Variants in FBXL17 observed in about 807,000 individuals in gnomAD.
FBXL17 encodes the protein F-box/LRR-repeat protein 17.
In FBXL17, 22 loss-of-function variants were observed where a neutral mutation model predicts 66.2. That is an observed-to-expected ratio of 0.33 (90% CI 0.24 to 0.47). The LOEUF (loss-of-function observed/expected upper bound fraction) is 0.47, where lower values mean the gene tolerates loss of function less well. Among genes scored for constraint, FBXL17 ranks in the 20% least tolerant of loss-of-function variants. The probability of loss-of-function intolerance (pLI) is 1.00; values close to 1 mark genes in which losing one functional copy is unlikely to be tolerated. For missense variants in FBXL17, 878 were observed against 948.2 expected (o/e 0.93, Z 0.97); for synonymous variants, 474 against 400.5 (o/e 1.18, Z -2.19).
At chr5:107,955,428 A>G (rs1751631273) in intron 7 of FBXL17, among the ~76,000 whole-genome samples, 1 of 152,178 alleles carries the variant, frequency 6.6e-6, no homozygotes. Flanking sequence ...CTTTACCACA[A>G]AGTGATCTGA....
At chr5:107,930,253 T>G (rs1750684896) in intron 7 of FBXL17, among the ~76,000 whole-genome samples, 2 of 152,182 alleles carry the variant, frequency 1.3e-5, no homozygotes, top group Non-Finnish European at 2.9e-5. Context: ...TTCCCCCTGT[T>G]TCTGGGGCTG....
chr5:107,872,653 C>T (rs1262250675), intron 8 of FBXL17, among the ~76,000 whole-genome samples: 1 of 152,042 alleles, frequency 6.6e-6, no homozygotes, highest in Non-Finnish European at 1.5e-5. Flanking sequence ...AAGGAGAAAC[C>T]CACAGATCTT....
chr5:108,381,245 G>GGCC lies in FBXL17; in HGVS notation c.444_446dup (p.Ala151dup). On this transcript the variant is annotated inframe_insertion, in exon 1 of 9. Coordinates refer to ENST00000542267, the MANE Select transcript of FBXL17 (RefSeq NM_001163315.3). ...TTCGGCCCTGCTGCTCCCAGGCGGC[G>GGCC]GCCGCAGCCAGCCCCAACTCTTTGC... is the stretch of plus-strand genomic sequence containing the variant. The GGCC allele has an allele frequency of 6.9e-7, 1 of 1,443,760 alleles. No homozygotes were observed. The highest frequency in any genetic ancestry group is 1.3e-5 in the South Asian group (1 of 74,208). The allele number at this position is 1,443,760 out of a possible 1,614,324, so 89.4% of individuals were successfully genotyped here. A position where few individuals can be genotyped will look rare whatever the true frequency, so the allele number is the denominator to read the frequency against.
chr5:108,016,400 A>C (rs2112752167), intron 7 of FBXL17, among the ~76,000 whole-genome samples: 1 of 152,310 alleles, frequency 6.6e-6, no homozygotes, highest in South Asian at 2.1e-4. Flanking sequence ...GAGTGTTTCC[A>C]GTCCTCTTTA....
intron 7 of FBXL17, among the ~76,000 whole-genome samples, chr5:107,941,118 A>G (rs1279939089): frequency 3.5e-4 from 1 of 2,886 alleles, no homozygotes; most frequent in Admixed American, 1.2e-3. Context: ...AAATCAAGTG[A>G]AAAAAAAAAA....
chr5:108,176,753 A>G (rs1228168885), intron 6 of FBXL17, among the ~76,000 whole-genome samples: 2 of 152,144 alleles, frequency 1.3e-5, no homozygotes, highest in African/African-American at 4.8e-5. Flanking sequence ...AATAACTATA[A>G]GTACTAAAAG....
At chr5:107,868,294 C>T (rs1432717615) in intron 8 of FBXL17, among the ~76,000 whole-genome samples, 2 of 152,184 alleles carry the variant, frequency 1.3e-5, no homozygotes, top group African/African-American at 2.4e-5. Context: ...TACTGACATT[C>T]GTTTTTTTAC....
At chr5:108,084,440 T>A (rs1453575017) in intron 6 of FBXL17, among the ~76,000 whole-genome samples, 2 of 152,126 alleles carry the variant, frequency 1.3e-5, no homozygotes, top group African/African-American at 2.4e-5. Context: ...AAAATAAAAC[T>A]CACCCAAAAT....
At chr5:108,131,058 G>A (rs1750914829) in intron 6 of FBXL17, among the ~76,000 whole-genome samples, 1 of 152,022 alleles carries the variant, frequency 6.6e-6, no homozygotes, top group Non-Finnish European at 1.5e-5. Flanking sequence ...CTCTGCTACT[G>A]AAATAAATAA....
In FBXL17 at chr5:108,043,322, T is replaced by C. The variant is rs184225042; in HGVS notation, c.1746-22321A>G. 3.0e-3 allele frequency among the ~76,000 whole-genome samples: 449 copies of C among 152,172 alleles called. 3 individuals carry two copies. The East Asian group carries it at 0.042, about 14-fold the overall frequency. ...CCTAGCCCTAGACCCTGAAGGTTTT[T>C]CCCCCCCTAGGTTTCTTTCTACAAG... On this transcript the variant is annotated intron_variant, in intron 6 of 8. Transcript: ENST00000542267.
Position 107,946,585 on chromosome 5 carries a change from G to A in FBXL17, c.1823-65406C>T, listed in dbSNP as rs573374959. ...GCTTCCCAAAGTGTTGGGATTACAG[G>A]CATGGGCCACAGCTTCCAGCTAATC... On this transcript the variant is annotated intron_variant, in intron 7 of 8. Coordinates refer to ENST00000542267, the MANE Select transcript of FBXL17 (RefSeq NM_001163315.3). Among the ~76,000 whole-genome samples, 41 of 151,676 alleles carry A rather than the reference G, an allele frequency of 2.7e-4. 1 individual carries two copies. In the East Asian group the frequency reaches 6.8e-3, roughly 25 times the overall value.
intron 6 of FBXL17, among the ~76,000 whole-genome samples, chr5:108,106,181 T>C (rs1332153581): frequency 6.6e-6 from 1 of 152,140 alleles, no homozygotes; most frequent in Non-Finnish European, 1.5e-5. Context: ...AAACTGAGCA[T>C]GTAGAACAAG....
intron 5 of FBXL17, among the ~76,000 whole-genome samples, chr5:108,198,068 T>C (rs538408230): frequency 1.1e-4 from 17 of 152,202 alleles, no homozygotes; most frequent in East Asian, 1.9e-4. Flanking sequence ...AATCTTTGGG[T>C]CTTCCACACT....
intron 6 of FBXL17, among the ~76,000 whole-genome samples, chr5:108,146,569 C>T (rs1231257191): frequency 6.6e-6 from 1 of 152,092 alleles, no homozygotes; most frequent in African/African-American, 2.4e-5. Context: ...TTTTATAAAC[C>T]CTACCCAGTC....
chr5:108,136,892 G>A (rs1751157726), intron 6 of FBXL17, among the ~76,000 whole-genome samples: 2 of 152,052 alleles, frequency 1.3e-5, no homozygotes. Context: ...ATGTTATTTT[G>A]AAACCAGATT....
intron 7 of FBXL17, 118 bp from the exon 8 acceptor site, chr5:107,881,297 G>C: frequency 1.6e-6 from 1 of 617,920 alleles, no homozygotes; most frequent in Admixed American, 2.9e-5. Context: ...GTGTGTAAAT[G>C]AACGTTTTAT....
intron 7 of FBXL17, among the ~76,000 whole-genome samples, chr5:107,900,081 A>G (rs1749522056): frequency 6.6e-6 from 1 of 152,212 alleles, no homozygotes. Context: ...CATACACTAA[A>G]TATTTTTATT....
chr5:107,938,374 CTA>C (rs1173989621), intron 7 of FBXL17, among the ~76,000 whole-genome samples: 1 of 151,800 alleles, frequency 6.6e-6, no homozygotes, highest in Non-Finnish European at 1.5e-5. Flanking sequence ...TGAGAAAAAA[CTA>C]TGTGGGAAAA....
chr5:108,126,752 A>G (rs1270772742), intron 6 of FBXL17, among the ~76,000 whole-genome samples: 3 of 150,764 alleles, frequency 2.0e-5, no homozygotes, highest in African/African-American at 7.3e-5. Flanking sequence ...GACAAAGCTC[A>G]CTGACTTTAA....
Sources: allele counts gnomAD v4.1 joint callset (sites outside exome capture counted in the v4.1 genomes callset), GRCh38; gene constraint gnomAD v4.1.1; transcripts MANE v1.5; gene names NCBI Gene and HGNC (gene_info 2026-07-23, HGNC 2026-07-21).